The following REDIC1 variants were observed in gnomAD, a reference collection of about 807,000 sequenced individuals.
REDIC1 encodes the protein regulator of DNA class I crossover intermediates 1, also known as HEI10 Interacting Protein 1.
chr12:39,859,971 C>G, the REDIC1 span, among the ~76,000 whole-genome samples: 1 of 152,124 alleles, frequency 6.6e-6, no homozygotes, highest in Non-Finnish European at 1.5e-5. Context: ...CCTTGAATTA[C>G]CTAATTGTAC....
At chr12:39,645,510 T>C in the REDIC1 span, among the ~76,000 whole-genome samples, 1 of 152,046 alleles carries the variant, frequency 6.6e-6, no homozygotes, top group African/African-American at 2.4e-5. Context: ...GTCTTCATCA[T>C]TGAGGCTCAA....
At chr12:39,771,750 G>A in the REDIC1 span, among the ~76,000 whole-genome samples, 1 of 152,062 alleles carries the variant, frequency 6.6e-6, no homozygotes, top group Non-Finnish European at 1.5e-5. Context: ...TAAGCGCCCT[G>A]ACCACCTCAC....
chr12:39,730,353 T>G, the REDIC1 span, among the ~76,000 whole-genome samples: 1 of 152,232 alleles, frequency 6.6e-6, no homozygotes, highest in Non-Finnish European at 1.5e-5. Context: ...GCAGGCCTGG[T>G]GGTGACAAAA....
At chr12:39,678,826 A>T in the REDIC1 span, among the ~76,000 whole-genome samples, 1 of 152,130 alleles carries the variant, frequency 6.6e-6, no homozygotes, top group Non-Finnish European at 1.5e-5. Context: ...TACACTACAT[A>T]AACAGAATTA....
the REDIC1 span, among the ~76,000 whole-genome samples, chr12:39,723,809 G>A: frequency 1.3e-5 from 2 of 152,078 alleles, no homozygotes; most frequent in South Asian, 4.1e-4. Context: ...AACAACTCTA[G>A]GAAGTTTCCA....
chr12:39,701,821 A>G, the REDIC1 span, among the ~76,000 whole-genome samples: 12 of 151,798 alleles, frequency 7.9e-5, no homozygotes, highest in African/African-American at 2.7e-4. Flanking sequence ...AAACTGAACA[A>G]CCTGCTCCTG....
chr12:39,871,315 A>G, the REDIC1 span, among the ~76,000 whole-genome samples: 1 of 152,184 alleles, frequency 6.6e-6, no homozygotes, highest in Non-Finnish European at 1.5e-5. Flanking sequence ...TTTCAAACAC[A>G]AAAGAGTTTG....
chr12:39,681,878 A>C, the REDIC1 span, among the ~76,000 whole-genome samples: 1 of 152,156 alleles, frequency 6.6e-6, no homozygotes, highest in Non-Finnish European at 1.5e-5. Flanking sequence ...GATAACTCCA[A>C]CCTCTGGAAC....
chr12:39,733,411 C>G, the REDIC1 span, among the ~76,000 whole-genome samples: 1 of 152,086 alleles, frequency 6.6e-6, no homozygotes, highest in Non-Finnish European at 1.5e-5. Context: ...CTTCTATTAT[C>G]AATTTGTTGG....
chr12:39,772,252 T>G, the REDIC1 span, among the ~76,000 whole-genome samples: 3 of 152,190 alleles, frequency 2.0e-5, no homozygotes, highest in African/African-American at 7.2e-5. Context: ...CTTACCAGCT[T>G]TGTAACTTTG....
At chr12:39,667,673 G>C in the REDIC1 span, among the ~76,000 whole-genome samples, 1 of 152,156 alleles carries the variant, frequency 6.6e-6, no homozygotes, top group Non-Finnish European at 1.5e-5. Flanking sequence ...GGGTGTTAAA[G>C]TCTCCCATTA....
At chr12:39,631,644 T>C in the REDIC1 span, among the ~76,000 whole-genome samples, 1 of 152,222 alleles carries the variant, frequency 6.6e-6, no homozygotes, top group African/African-American at 2.4e-5. Flanking sequence ...TAAATACTTA[T>C]ATACAAACAA....
chr12:39,848,936 C>T, the REDIC1 span, among the ~76,000 whole-genome samples: 3 of 152,066 alleles, frequency 2.0e-5, no homozygotes, highest in Admixed American at 1.3e-4. Flanking sequence ...AAACCAAATA[C>T]CACATGGTCT....
At chr12:39,649,707 T>C in the REDIC1 span, among the ~76,000 whole-genome samples, 2 of 151,908 alleles carry the variant, frequency 1.3e-5, no homozygotes, top group East Asian at 3.8e-4. Flanking sequence ...GTTGGGCCAA[T>C]ATAATAAGTT....
chr12:39,695,403 T>C, the REDIC1 span, among the ~76,000 whole-genome samples: 1 of 152,092 alleles, frequency 6.6e-6, no homozygotes, highest in Non-Finnish European at 1.5e-5. Flanking sequence ...CTAGGCATCA[T>C]TCACCACAAG....
At chr12:39,661,868 T>C in the REDIC1 span, among the ~76,000 whole-genome samples, 2 of 152,152 alleles carry the variant, frequency 1.3e-5, no homozygotes, top group African/African-American at 2.4e-5. Context: ...CTTCCACATA[T>C]GGATTTCTAG....
the REDIC1 span, among the ~76,000 whole-genome samples, chr12:39,753,837 T>A: frequency 2.0e-5 from 3 of 152,150 alleles, no homozygotes; most frequent in Non-Finnish European, 4.4e-5. Context: ...TAGCATCTCA[T>A]TTTATAGACA....
the REDIC1 span, among the ~76,000 whole-genome samples, chr12:39,833,770 C>T: frequency 6.6e-6 from 1 of 151,980 alleles, no homozygotes; most frequent in African/African-American, 2.4e-5. Context: ...CCTTATTCCT[C>T]CACAAATTTC....
At chr12:39,628,628 A>G in the REDIC1 span, among the ~76,000 whole-genome samples, 1 of 152,192 alleles carries the variant, frequency 6.6e-6, no homozygotes, top group Non-Finnish European at 1.5e-5. Flanking sequence ...AATTCAGCAA[A>G]TATATTTTTT....
Sources: gnomAD v4.1 joint callset for allele counts (sites outside exome capture counted in the v4.1 genomes callset) on GRCh38, gnomAD v4.1.1 for gene constraint, MANE v1.5 for transcripts, NCBI Gene and HGNC (gene_info 2026-07-23, HGNC 2026-07-21) for gene names.